Variants in RYR2 observed in about 807,000 individuals in gnomAD.
The protein encoded by RYR2 is ryanodine receptor 2.
Under a neutral mutation model 601.1 loss-of-function variants are expected in RYR2, and 227 were observed. The observed-to-expected ratio is 0.38, with a 90% CI of 0.34 to 0.42. The LOEUF is 0.42. Ranked by LOEUF, RYR2 falls within the 10% of genes least tolerant of loss-of-function variation. RYR2 has a pLI of 1.00. For missense variants in RYR2, 4,646 were observed against 6,156.5 expected (o/e 0.75, Z 8.21); for synonymous variants, 2,223 against 2,175.1 (o/e 1.02, Z -0.61).
At chr1:237,150,322 A>G (rs942886538) in intron 1 of RYR2, among the ~76,000 whole-genome samples, 8 of 152,194 alleles carry the variant, frequency 5.3e-5, no homozygotes, top group African/African-American at 1.2e-4. Context: ...AAGGAAAGCT[A>G]GCATCTGGTT....
chr1:237,591,030 T>A (rs370307497), intron 31 of RYR2, 38 bp downstream of exon 31: 1 of 1,565,236 alleles, frequency 6.4e-7, no homozygotes, highest in African/African-American at 1.4e-5. Flanking sequence ...AATTTGTAGT[T>A]ATGTGAGGAA....
At chr1:237,052,602 T>C (rs1335958987) in intron 1 of RYR2, among the ~76,000 whole-genome samples, 1 of 152,162 alleles carries the variant, frequency 6.6e-6, no homozygotes, top group African/African-American at 2.4e-5. Flanking sequence ...GGCTAAGGGA[T>C]GAAAATATGT....
At chr1:237,795,848 A>ATATATATATG (rs1558433680) in intron 96 of RYR2, among the ~76,000 whole-genome samples, 5 of 118,104 alleles carry the variant, frequency 4.2e-5, no homozygotes, top group Non-Finnish European at 8.7e-5. Flanking sequence ...ATATATATAT[A>ATATATATATG]TGTATATGTA....
At position 237,401,231 on chromosome 1, in the gene RYR2, A is replaced by G. The variant is rs947198524; in HGVS notation, c.773+13048A>G. Among the ~76,000 whole-genome samples the G allele has an allele frequency of 1.2e-3, 184 of 152,316 alleles. 1 individual carries two copies. The highest frequency in any genetic ancestry group is 4.2e-3 in the African/African-American group (175 of 41,572). On this transcript the variant is annotated intron_variant, in intron 10 of 104. Coordinates refer to ENST00000366574, the MANE Select transcript of RYR2 (RefSeq NM_001035.3). ...TCTGATAATCAAAATTAAACAGGCTATTTTGTTTCAGCACCAACTAGCATA... is the reference window on the plus strand; with the variant it reads ...TCTGATAATCAAAATTAAACAGGCTGTTTTGTTTCAGCACCAACTAGCATA...
At chr1:237,651,275 C>T in intron 50 of RYR2, 136 bp from the exon 51 acceptor site, 1 of 655,834 alleles carries the variant, frequency 1.5e-6, no homozygotes. Flanking sequence ...AATCTTTGGA[C>T]AAAGAACATC....
intron 1 of RYR2, among the ~76,000 whole-genome samples, chr1:237,068,862 T>C (rs573560245): frequency 2.2e-4 from 34 of 152,278 alleles, no homozygotes; most frequent in African/African-American, 7.0e-4. Context: ...CTGACATTTT[T>C]CTTCCAACCT....
intron 11 of RYR2, among the ~76,000 whole-genome samples, chr1:237,420,665 A>T (rs555621707): frequency 1.3e-5 from 2 of 152,170 alleles, no homozygotes; most frequent in Non-Finnish European, 2.9e-5. Context: ...TTCTACCAGA[A>T]TCCTCTTAGA....
intron 1 of RYR2, among the ~76,000 whole-genome samples, chr1:237,161,973 A>AT (rs935432694): frequency 6.0e-5 from 9 of 150,760 alleles, no homozygotes; most frequent in East Asian, 3.9e-4. Context: ...TGTGTTAGAA[A>AT]TTTTTTTTTT....
At chr1:237,320,314 T>C (rs975961564) in intron 2 of RYR2, among the ~76,000 whole-genome samples, 1 of 152,158 alleles carries the variant, frequency 6.6e-6, no homozygotes, top group African/African-American at 2.4e-5. Context: ...TAAAAAAGTG[T>C]TATGTTATGG....
intron 1 of RYR2, among the ~76,000 whole-genome samples, chr1:237,181,170 G>A (rs558102952): frequency 6.6e-6 from 1 of 152,166 alleles, no homozygotes; most frequent in South Asian, 2.1e-4. Flanking sequence ...TTTTAGTACA[G>A]ATGGAGTTTT....
At chr1:237,703,522 C>T (rs915468675) in intron 66 of RYR2, among the ~76,000 whole-genome samples, 2 of 149,592 alleles carry the variant, frequency 1.3e-5, no homozygotes, top group African/African-American at 2.4e-5. Context: ...AACCTCTTGC[C>T]TATTTCTCCT....
intron 1 of RYR2, among the ~76,000 whole-genome samples, chr1:237,247,914 C>G (rs1026950479): frequency 6.6e-6 from 1 of 152,112 alleles, no homozygotes. Flanking sequence ...TCTGTCCATG[C>G]TGGTACCTCA....
At chr1:237,160,322 T>C (rs1220980407) in intron 1 of RYR2, among the ~76,000 whole-genome samples, 3 of 152,204 alleles carry the variant, frequency 2.0e-5, no homozygotes, top group Non-Finnish European at 4.4e-5. Flanking sequence ...GCCAATATGA[T>C]TCAACAATTT....
chr1:237,735,970 T>C (rs1691105973), intron 79 of RYR2, among the ~76,000 whole-genome samples: 1 of 152,188 alleles, frequency 6.6e-6, no homozygotes, highest in Admixed American at 6.5e-5. Flanking sequence ...CATAAAACTG[T>C]ATGTTTAAAG....
chr1:237,533,113 C>T (rs1055639098), intron 25 of RYR2, among the ~76,000 whole-genome samples: 2 of 152,100 alleles, frequency 1.3e-5, no homozygotes, highest in Non-Finnish European at 2.9e-5. Flanking sequence ...GCTCTCACAA[C>T]GCAACACAGC....
rs74429963 is a variant in RYR2 at position 237,475,720 on chromosome 1, T to G, written c.1708+6533T>G. On this transcript the variant is annotated intron_variant, in intron 17 of 104. Transcript: ENST00000366574. ...TATAGGATGATTAAATCAAGCTAAT[T>G]AAATATCCATAACCTCAGATACTTG... Among the ~76,000 whole-genome samples the G allele has an allele frequency of 7.5e-3, 1,144 of 152,336 alleles. 44 individuals are homozygous for G. Among genetic ancestry groups the G allele is most frequent in the East Asian group, 0.067 (349 of 5,182 alleles).
chr1:237,392,399 A>T (rs959360504), intron 10 of RYR2, among the ~76,000 whole-genome samples: 1 of 151,918 alleles, frequency 6.6e-6, no homozygotes, highest in Non-Finnish European at 1.5e-5. Flanking sequence ...ATTATTATGC[A>T]TAGTATGCCT....
intron 27 of RYR2, among the ~76,000 whole-genome samples, chr1:237,563,434 A>G (rs1572886964): frequency 2.0e-5 from 3 of 150,806 alleles, no homozygotes; most frequent in Non-Finnish European, 3.0e-5. Flanking sequence ...ACACAAACAA[A>G]TAGGAAAATC....
At chr1:237,530,610 C>A in intron 25 of RYR2, 100 bp downstream of exon 25, 2 of 978,558 alleles carry the variant, frequency 2.0e-6, no homozygotes, top group Non-Finnish European at 3.1e-6. Context: ...TTTACTGAAG[C>A]TTTAAAATTC....
Sources: allele counts gnomAD v4.1 joint callset (sites outside exome capture counted in the v4.1 genomes callset), GRCh38; gene constraint gnomAD v4.1.1; transcripts MANE v1.5; gene names NCBI Gene and HGNC (gene_info 2026-07-23, HGNC 2026-07-21).